FAM174B: variants seen among roughly 807,000 people sequenced by gnomAD.
FAM174B encodes the protein membrane protein FAM174B.
A neutral mutation model predicts 10.9 loss-of-function variants in FAM174B; 12 were observed. The ratio of observed to expected loss-of-function variants is 1.10; its 90% CI spans 0.71 to 1.79. The LOEUF (loss-of-function observed/expected upper bound fraction) is 1.79, where lower values mean the gene tolerates loss of function less well. Among genes scored for constraint, FAM174B ranks in the 40% most tolerant of loss-of-function variants. The pLI is 0.00. For synonymous variants in FAM174B, 132 were observed against 115.8 expected (o/e 1.14, Z -0.90); for missense variants, 266 against 233.3 (o/e 1.14, Z -0.91).
chr15:92,655,567 G>A lies in FAM174B; in HGVS notation c.93C>T (p.Ser31=), dbSNP rs1206583179. The change falls in exon 1 of 3, where the codon TCC becomes TCT. Residue 31 remains serine, a synonymous_variant. Coordinates refer to ENST00000327355, the MANE Select transcript of FAM174B (RefSeq NM_207446.3). ...CGGGTTCGGGCCACGGCGCGGAGAC[G>A]GACTCGGCTCTGCTGGCGCGGGCGG... is the stretch of plus-strand genomic sequence containing the variant. ...APAARASRAE[S]VSAPWPEPER... 5.2e-5 allele frequency: 72 copies of A among 1,375,218 alleles called. No individual in the cohort carries two copies. Among genetic ancestry groups the A allele is most frequent in the Non-Finnish European group, 6.3e-5 (67 of 1,065,894 alleles). 85.2% of individuals were successfully genotyped at this position (1,375,218 alleles called of 1,614,324 possible). A position where few individuals can be genotyped will look rare whatever the true frequency, so the allele number is the denominator to read the frequency against.
intron 2 of FAM174B, among the ~76,000 whole-genome samples, chr15:92,621,940 G>T (rs2141947059): frequency 6.6e-6 from 1 of 152,338 alleles, no homozygotes; most frequent in Non-Finnish European, 1.5e-5. Context: ...AGGATGAAGG[G>T]TGGGGGCACA....
In FAM174B at chr15:92,655,363, G is replaced by A. The variant is rs368855850; in HGVS notation, c.297C>T (p.Phe99=). 1.8e-4 allele frequency: 293 copies of A among 1,590,706 alleles called. No individual in the cohort carries two copies. Among genetic ancestry groups the A allele is most frequent in the Admixed American group, 4.8e-4 (28 of 58,062 alleles). Residue 99 remains phenylalanine (F), a synonymous_variant, in exon 1 of 3, where the codon TTC becomes TTT. Coordinates refer to ENST00000327355, the MANE Select transcript of FAM174B (RefSeq NM_207446.3). ...AGGCGATGAGGAGGGTGGTAAAGGC[G>A]AACGCCACGATCACGGCTGCCTTGA... ...PTLKAAVIVA[F]AFTTLLIACL...
At chr15:92,630,047 T>C (rs2050780463) in intron 2 of FAM174B, 167 bp downstream of exon 2, 1 of 531,632 alleles carries the variant, frequency 1.9e-6, no homozygotes, top group Non-Finnish European at 3.3e-6. Context: ...ATTAGCAGCA[T>C]GAAAATGGAC....
chr15:92,644,341 C>T (rs1044914271), intron 1 of FAM174B, among the ~76,000 whole-genome samples: 3 of 152,170 alleles, frequency 2.0e-5, no homozygotes, highest in Admixed American at 6.5e-5. Flanking sequence ...TTTCGACAAG[C>T]CACTGAGAGG....
At chr15:92,654,880 T>C (rs2050990893) in intron 1 of FAM174B, among the ~76,000 whole-genome samples, 1 of 151,438 alleles carries the variant, frequency 6.6e-6, no homozygotes, top group Non-Finnish European at 1.5e-5. Flanking sequence ...AGTAGCGAGA[T>C]TAAAGTTAGA....
chr15:92,655,363 G>T lies in FAM174B; in HGVS notation c.297C>A (p.Phe99Leu), dbSNP rs368855850. 3.8e-6 allele frequency: 6 copies of T among 1,590,706 alleles called. No individual in the cohort carries two copies. In the Admixed American group the frequency reaches 1.0e-4, roughly 27 times the overall value. ...AGGCGATGAGGAGGGTGGTAAAGGCGAACGCCACGATCACGGCTGCCTTGA... is the reference window on the plus strand; with the variant it reads ...AGGCGATGAGGAGGGTGGTAAAGGCTAACGCCACGATCACGGCTGCCTTGA... ...PTLKAAVIVA[F>L]AFTTLLIACL... The change falls in exon 1 of 3, where the codon TTC (phenylalanine) becomes TTA (leucine). Residue 99 changes from phenylalanine to leucine, a missense_variant. By Grantham distance (22) the Phe-to-Leu change is conservative. Transcript: ENST00000327355.
intron 1 of FAM174B, chr15:92,655,107 A>G: frequency 1.9e-6 from 1 of 532,380 alleles, no homozygotes; most frequent in Non-Finnish European, 2.9e-6. Flanking sequence ...TAAAGAGAGG[A>G]AAGAAAATTC....
At chr15:92,641,677 A>G (rs983189370) in intron 1 of FAM174B, among the ~76,000 whole-genome samples, 6 of 152,230 alleles carry the variant, frequency 3.9e-5, no homozygotes, top group African/African-American at 1.4e-4. Context: ...GAACTTACAT[A>G]TAAGTATGTA....
intron 1 of FAM174B, among the ~76,000 whole-genome samples, chr15:92,638,155 T>C (rs2050867884): frequency 6.6e-6 from 1 of 152,228 alleles, no homozygotes; most frequent in Non-Finnish European, 1.5e-5. Flanking sequence ...GGCCTCAACC[T>C]GGTTGAGATG....
intron 1 of FAM174B, among the ~76,000 whole-genome samples, chr15:92,633,714 G>A (rs944827894): frequency 1.3e-5 from 2 of 152,110 alleles, no homozygotes; most frequent in African/African-American, 2.4e-5. Context: ...TGGGACAACA[G>A]TATTTAGAAA....
chr15:92,617,533 T>G lies in FAM174B; in HGVS notation c.*1923A>C, dbSNP rs2050686774. ...GAAGGTCACTTTCAGCAGCCGCCATTTCTGCCAGGACCAGTGGCAAGCACC... is the reference window on the plus strand; with the variant it reads ...GAAGGTCACTTTCAGCAGCCGCCATGTCTGCCAGGACCAGTGGCAAGCACC... On this transcript the variant is annotated 3_prime_UTR_variant, in exon 3 of 3. Transcript: ENST00000327355. 2.0e-6 allele frequency: 1 copy of G among 504,310 alleles called. No individual in the cohort carries two copies. The highest frequency in any genetic ancestry group is 3.5e-6 in the Non-Finnish European group (1 of 287,686). The allele number at this position is 504,310 out of a possible 1,614,324, so 31.2% of individuals were successfully genotyped here.
intron 2 of FAM174B, among the ~76,000 whole-genome samples, chr15:92,627,760 T>C (rs911945624): frequency 6.6e-6 from 1 of 152,228 alleles, no homozygotes; most frequent in African/African-American, 2.4e-5. Flanking sequence ...ACGCTCCCTA[T>C]TGTACAATAT....
At chr15:92,653,374 C>T (rs16974310) in intron 1 of FAM174B, among the ~76,000 whole-genome samples, 3,193 of 152,240 alleles carry the variant, frequency 0.021, 113 homozygotes, top group African/African-American at 0.073. Context: ...CAAAATTGTT[C>T]AAATACCTTC....
chr15:92,646,992 C>T (rs986214831), intron 1 of FAM174B, among the ~76,000 whole-genome samples: 2 of 152,198 alleles, frequency 1.3e-5, no homozygotes, highest in South Asian at 4.1e-4. Flanking sequence ...GAGTCATGGG[C>T]CAGTGGCCAC....
chr15:92,623,912 G>A (rs1407782534), intron 2 of FAM174B, among the ~76,000 whole-genome samples: 1 of 152,180 alleles, frequency 6.6e-6, no homozygotes, highest in African/African-American at 2.4e-5. Context: ...TGATACTTAG[G>A]ATGATTTGTG....
intron 1 of FAM174B, among the ~76,000 whole-genome samples, chr15:92,654,308 C>T (rs1050403158): frequency 3.3e-5 from 5 of 152,176 alleles, no homozygotes; most frequent in African/African-American, 1.2e-4. Flanking sequence ...AACACCAAAG[C>T]ACTGTGTGTA....
rs1304426025 is a variant in FAM174B, at chr15:92,631,309, T to A, written c.345-964A>T. Among the ~76,000 whole-genome samples, 4 of 4,066 alleles carry A rather than the reference T, an allele frequency of 9.8e-4. 1 individual carries two copies. The highest frequency in any genetic ancestry group is 2.1e-3 in the African/African-American group (3 of 1,414). 2.7% of individuals were successfully genotyped at this position (4,066 alleles called of 152,430 possible). ...ATATTATATATTATATATAATATAT[T>A]ATATATAATATTATATATAATATAT... On this transcript the variant is annotated intron_variant, in intron 1 of 2. Transcript: ENST00000327355.
chr15:92,640,551 CAAAAAAAAAAAAAAAAA>C (rs60865026), intron 1 of FAM174B, among the ~76,000 whole-genome samples: 7 of 67,722 alleles, frequency 1.0e-4, no homozygotes, highest in South Asian at 1.8e-3. Context: ...GACTCCATCT[CAAAAAAAAAAAAAAAAA>C]AAAAAAAAAA....
At chr15:92,654,787 C>CAAAAA (rs5814547) in intron 1 of FAM174B, among the ~76,000 whole-genome samples, 1 of 137,022 alleles carries the variant, frequency 7.3e-6, no homozygotes, top group Non-Finnish European at 1.5e-5. Flanking sequence ...CTTTCAGTAG[C>CAAAAA]AAAAAAAAAA....
Sources: allele counts gnomAD v4.1 joint callset (sites outside exome capture counted in the v4.1 genomes callset), GRCh38; gene constraint gnomAD v4.1.1; transcripts MANE v1.5; gene names NCBI Gene and HGNC (gene_info 2026-07-23, HGNC 2026-07-21).